The following ZC3H3 variants were observed in gnomAD, a reference collection of about 807,000 sequenced individuals.
The protein encoded by ZC3H3 is zinc finger CCCH domain-containing protein 3.
Under a neutral mutation model 77.3 loss-of-function variants are expected in ZC3H3, and 36 were observed. That is an observed-to-expected ratio of 0.47 (90% CI 0.36 to 0.61). ZC3H3 has a LOEUF of 0.61. Among genes scored for constraint, ZC3H3 ranks in the 20% least tolerant of loss-of-function variants. ZC3H3 has a pLI of 0.00. For synonymous variants in ZC3H3, 626 were observed against 555.2 expected (o/e 1.13, Z -1.79); for missense variants, 1,331 against 1,312.2 (o/e 1.01, Z -0.22).
rs761381911 is a variant in ZC3H3 at position 143,494,415 on chromosome 8, A to G, written c.1715+13331T>C. 1.3e-5 allele frequency among the ~76,000 whole-genome samples: 2 copies of G among 152,198 alleles called. No individual in the cohort carries two copies. Among genetic ancestry groups the G allele is most frequent in the Non-Finnish European group, 2.9e-5 (2 of 68,020 alleles). ...GGTGGGAAAAGCACAAATGCCTGCC[A>G]GCGTGGAGGATGGGGCTCCGGCAGA... On this transcript the variant is annotated intron_variant, in intron 4 of 11. Coordinates refer to ENST00000262577, the MANE Select transcript of ZC3H3 (RefSeq NM_015117.3). The surrounding 1 kb of genome is among the most constrained non-coding windows in gnomAD (Gnocchi z 5.3).
At chr8:143,529,659 G>C (rs1172506372) in intron 3 of ZC3H3, among the ~76,000 whole-genome samples, 1 of 152,222 alleles carries the variant, frequency 6.6e-6, no homozygotes, top group Non-Finnish European at 1.5e-5. Context: ...GCTGCCTTTG[G>C]CTTCACCAGG....
chr8:143,529,912 G>C (rs1032320294), intron 3 of ZC3H3, among the ~76,000 whole-genome samples: 3 of 152,216 alleles, frequency 2.0e-5, no homozygotes, highest in African/African-American at 7.2e-5. Context: ...CTGGCACCTA[G>C]TGACACCAGC....
rs140181481 is a variant in ZC3H3, at chr8:143,465,933, C to T, written c.2176-85G>A. ...GTGGCTGGGGACCCTCCTACGGCCC[C>T]GCCCGAGAGAGAAATGGACACGCGG... On this transcript the variant is annotated intron_variant, in intron 8 of 11. Coordinates refer to ENST00000262577, the MANE Select transcript of ZC3H3 (RefSeq NM_015117.3). 16,616 of 1,496,580 alleles carry T rather than the reference C, an allele frequency of 0.011. 110 individuals carry two copies. The highest frequency in any genetic ancestry group is 0.013 in the Non-Finnish European group (14,523 of 1,123,472). The allele number at this position is 1,496,580 out of a possible 1,614,324, so 92.7% of individuals were successfully genotyped here. A position where few individuals can be genotyped will look rare whatever the true frequency, so the allele number is the denominator to read the frequency against.
rs1013304884 is a variant in ZC3H3 at position 143,508,000 on chromosome 8, C to T, written c.1562-101G>A. On this transcript the variant is annotated intron_variant, in intron 3 of 11. Transcript: ENST00000262577. The stretch of plus-strand genomic sequence containing the variant: ...TGCCAGCTCTGCCCACCGCCTCCGC[C>T]GGAGCTTGAAGACCCTCCATCGCCC... The T allele has an allele frequency of 1.3e-5, 18 of 1,358,940 alleles. No individual in the cohort carries two copies. In the South Asian group the frequency reaches 1.5e-4, roughly 11 times the overall value. 84.2% of individuals were successfully genotyped at this position (1,358,940 alleles called of 1,614,324 possible).
At chr8:143,522,882 T>G (rs1441744980) in intron 3 of ZC3H3, among the ~76,000 whole-genome samples, 1 of 152,116 alleles carries the variant, frequency 6.6e-6, no homozygotes, top group Non-Finnish European at 1.5e-5. Context: ...ATGGCGCCCC[T>G]GCACTCCAGC....
At chr8:143,458,021 A>G (rs1660410442) in intron 9 of ZC3H3, among the ~76,000 whole-genome samples, 1 of 152,222 alleles carries the variant, frequency 6.6e-6, no homozygotes, top group Non-Finnish European at 1.5e-5. Flanking sequence ...CAGAAAACCA[A>G]AAGAGAAAAA....
At chr8:143,541,323 G>T (rs1410309682) in intron 1 of ZC3H3, 53 bp downstream of exon 1, 4 of 1,601,116 alleles carry the variant, frequency 2.5e-6, no homozygotes, top group Non-Finnish European at 3.4e-6. Flanking sequence ...GGGACCCGCC[G>T]CGAGGTGAGG....
chr8:143,532,239 A>G (rs1180436227), intron 3 of ZC3H3, among the ~76,000 whole-genome samples: 1 of 149,594 alleles, frequency 6.7e-6, no homozygotes, highest in East Asian at 2.0e-4. Context: ...GATTACCAAA[A>G]AAGGGTGGAC....
intron 3 of ZC3H3, among the ~76,000 whole-genome samples, chr8:143,521,081 G>A (rs1454404163): frequency 2.6e-5 from 4 of 152,174 alleles, no homozygotes; most frequent in Non-Finnish European, 4.4e-5. Context: ...GACCCTGGGA[G>A]GGGCAGGCCC....
intron 5 of ZC3H3, among the ~76,000 whole-genome samples, chr8:143,470,145 T>C (rs914732235): frequency 6.6e-6 from 1 of 152,178 alleles, no homozygotes; most frequent in African/African-American, 2.4e-5. Flanking sequence ...CTCCTCGCTT[T>C]GTGCTTTGCG....
Position 143,440,296 on chromosome 8 carries a change from C to T in ZC3H3, c.2560G>A (p.Val854Met), listed in dbSNP as rs367774975. The change falls in exon 11 of 12, where the codon GTG (valine) becomes ATG (methionine). Residue 854 changes from valine to methionine, a missense_variant. This residue lies in a region of ZC3H3 where 249 missense variants were observed against 236.9 expected (regional missense o/e 1.05). Coordinates refer to ENST00000262577, the MANE Select transcript of ZC3H3 (RefSeq NM_015117.3). ...CCTGGGCAGTGGGGAGGTGCAGCCA[C>T]GGCAGCCGCAGTGAGGGCAGCCGAG... ...PSSAALTAAA[V>M]AAPPHCPGGS... is the part of the protein sequence containing the mutation. 6.4e-6 allele frequency: 10 copies of T among 1,566,154 alleles called. No individual in the cohort carries two copies. The highest frequency in any genetic ancestry group is 3.5e-5 in the South Asian group (3 of 86,284).
intron 4 of ZC3H3, among the ~76,000 whole-genome samples, chr8:143,495,013 C>T (rs1271249542): frequency 1.3e-5 from 2 of 152,152 alleles, no homozygotes; most frequent in African/African-American, 2.4e-5. Context: ...CAGAAAGGGT[C>T]GCGGCACGCT....
chr8:143,443,113 CG>C (rs1819788437), intron 9 of ZC3H3, among the ~76,000 whole-genome samples: 1 of 151,674 alleles, frequency 6.6e-6, no homozygotes, highest in African/African-American at 2.4e-5. Flanking sequence ...TCTCCTAAAC[CG>C]TCTCTACTAA....
chr8:143,464,356 C>T (rs1460149092), intron 9 of ZC3H3, among the ~76,000 whole-genome samples: 1 of 152,248 alleles, frequency 6.6e-6, no homozygotes, highest in Non-Finnish European at 1.5e-5. Flanking sequence ...TGGGGCTGCC[C>T]CAGCCAGGCC....
At chr8:143,536,527 C>T in intron 2 of ZC3H3, 74 bp from the exon 3 acceptor site, 2 of 1,405,988 alleles carry the variant, frequency 1.4e-6, no homozygotes, top group Non-Finnish European at 1.9e-6. Context: ...TCACCAGGAC[C>T]CGAGGAGCGT....
chr8:143,443,758 C>T (rs1819803224), intron 9 of ZC3H3, among the ~76,000 whole-genome samples: 2 of 152,142 alleles, frequency 1.3e-5, no homozygotes, highest in Non-Finnish European at 2.9e-5. Flanking sequence ...GAACGCTAAG[C>T]GTGTAACTAA....
At chr8:143,472,880 G>A (rs1820614012) in intron 5 of ZC3H3, among the ~76,000 whole-genome samples, 1 of 152,216 alleles carries the variant, frequency 6.6e-6, no homozygotes, top group African/African-American at 2.4e-5. Flanking sequence ...GGAGTGGGAT[G>A]CAGCTGCTGC....
rs532537284 is a variant in ZC3H3, at chr8:143,483,977, C to T, written c.1716-8392G>A. On this transcript the variant is annotated intron_variant, in intron 4 of 11. Transcript: ENST00000262577. The stretch of plus-strand genomic sequence containing the variant: ...TCCAGCCGCTTGGCTTTCCAGGATA[C>T]ACCTTCAGCAGGCAGGCAGGGTTAC... 1.2e-4 allele frequency among the ~76,000 whole-genome samples: 19 copies of T among 152,368 alleles called. 1 individual carries two copies. The South Asian group carries it at 3.9e-3, about 32-fold the overall frequency.
At chr8:143,536,727 G>A (rs1389923566) in intron 2 of ZC3H3, among the ~76,000 whole-genome samples, 1 of 152,170 alleles carries the variant, frequency 6.6e-6, no homozygotes, top group African/African-American at 2.4e-5. Flanking sequence ...GGGCCTCAGT[G>A]CTCCGTCCCC....
Sources: allele counts gnomAD v4.1 joint callset (sites outside exome capture counted in the v4.1 genomes callset), GRCh38; gene constraint gnomAD v4.1.1; regional missense constraint gnomAD v4.1.1; non-coding constraint Gnocchi (gnomAD v3.1); transcripts MANE v1.5; gene names NCBI Gene and HGNC (gene_info 2026-07-23, HGNC 2026-07-21).